The following PGM2L1 variants were observed in gnomAD, a reference collection of about 807,000 sequenced individuals.
PGM2L1 encodes the protein glucose 1,6-bisphosphate synthase.
A neutral mutation model predicts 73.4 loss-of-function variants in PGM2L1; 35 were observed. The observed-to-expected ratio is 0.48, with a 90% confidence interval of 0.36 to 0.63. The LOEUF (loss-of-function observed/expected upper bound fraction) is 0.63. PGM2L1 is among the 30% of genes least tolerant of loss of function. The pLI is 0.00. For missense variants in PGM2L1, 570 were observed against 742.0 expected (o/e 0.77, Z 2.69); for synonymous variants, 225 against 253.8 (o/e 0.89, Z 1.08).
chr11:74,376,405 C>T (rs187655305), intron 1 of PGM2L1, among the ~76,000 whole-genome samples: 2 of 151,718 alleles, frequency 1.3e-5, no homozygotes, highest in Admixed American at 1.3e-4. Context: ...AATTTAACTC[C>T]AGTTACAAAG....
chr11:74,354,325 TAAATGTTAAA>T (rs1187790235), intron 5 of PGM2L1: 2 of 528,074 alleles, frequency 3.8e-6, no homozygotes, highest in African/African-American at 3.8e-5. Flanking sequence ...TGTCCAGGAA[TAAATGTTAAA>T]AAATGTGTGA....
chr11:74,347,113 T>A, intron 7 of PGM2L1, 35 bp downstream of exon 7: 1 of 1,411,274 alleles, frequency 7.1e-7, no homozygotes, highest in Non-Finnish European at 9.4e-7. Flanking sequence ...GATGGTTTAA[T>A]AAACTAATAA....
Position 74,347,146 on chromosome 11 carries a change from A to G in PGM2L1, c.939+2T>C. 1.3e-6 allele frequency: 2 copies of G among 1,555,186 alleles called. No individual in the cohort carries two copies. The highest frequency in any genetic ancestry group is 1.3e-5 in the South Asian group (1 of 78,726). On this transcript the variant is annotated splice_donor_variant, in intron 7 of 13. Coordinates refer to ENST00000298198, the MANE Select transcript of PGM2L1 (RefSeq NM_173582.6). LOFTEE classifies it high-confidence loss of function. ...TAATAATTTAAATATTTAAAAAAAT[A>G]CCAGCACAGATTCTCCTTCTTCAGG...
intron 5 of PGM2L1, among the ~76,000 whole-genome samples, chr11:74,363,103 T>A (rs1862592691): frequency 2.6e-5 from 4 of 152,128 alleles, no homozygotes; most frequent in Admixed American, 1.3e-4. Flanking sequence ...ACCACTCAAC[T>A]ACATGGAAAC....
intron 1 of PGM2L1, among the ~76,000 whole-genome samples, chr11:74,385,642 T>C (rs1048337928): frequency 6.6e-6 from 1 of 152,026 alleles, no homozygotes; most frequent in Non-Finnish European, 1.5e-5. Context: ...GATTCCATAG[T>C]TTTATGCTTA....
intron 1 of PGM2L1, among the ~76,000 whole-genome samples, chr11:74,391,180 C>T (rs1464362665): frequency 1.3e-5 from 2 of 150,694 alleles, no homozygotes; most frequent in African/African-American, 4.9e-5. Flanking sequence ...TTCCTACTTT[C>T]TTCCTGTTTT....
chr11:74,368,427 C>A, intron 5 of PGM2L1, 65 bp downstream of exon 5: 1 of 1,380,024 alleles, frequency 7.2e-7, no homozygotes. Flanking sequence ...ACATACTCAA[C>A]ACATATTATT....
chr11:74,397,840 C>A (rs1487386758), intron 1 of PGM2L1: 4 of 658,974 alleles, frequency 6.1e-6, no homozygotes, highest in Non-Finnish European at 8.9e-6. Flanking sequence ...GAGAGCACTG[C>A]AGAAGGAAGC....
intron 1 of PGM2L1, among the ~76,000 whole-genome samples, chr11:74,389,560 C>T (rs1863061690): frequency 1.3e-5 from 2 of 151,684 alleles, no homozygotes; most frequent in Non-Finnish European, 2.9e-5. Flanking sequence ...AGTGATTCTC[C>T]TGCCTGTCTC....
rs375546548 is a variant in PGM2L1, at chr11:74,345,566, G to T, written c.1121C>A (p.Ser374Ter). 6.2e-7 allele frequency: 1 copy of T among 1,613,366 alleles called. No homozygotes were observed. Among genetic ancestry groups the T allele is most frequent in the Non-Finnish European group, 8.5e-7 (1 of 1,179,568 alleles). ...WMFDCWKKNK[S>*]RNADVKNVYM... Reference sequence around the variant, plus strand: ...AACGTTCTTCACATCAGCATTTCTTGATTTATTTTTCTTCCAGCAATCAAA... The same window carrying T: ...AACGTTCTTCACATCAGCATTTCTTTATTTATTTTTCTTCCAGCAATCAAA... The change falls in exon 9 of 14, where the codon TCA (serine) becomes TAA (stop). Residue 374 changes from serine (S) to a stop codon, truncating the protein, a stop_gained. Coordinates refer to ENST00000298198, the MANE Select transcript of PGM2L1 (RefSeq NM_173582.6). LOFTEE classifies it high-confidence loss of function.
At position 74,334,015 on chromosome 11, in the gene PGM2L1, C is replaced by T. The variant is rs941376072; in HGVS notation, c.*2637G>A. On this transcript the variant is annotated 3_prime_UTR_variant, in exon 14 of 14. Transcript: ENST00000298198. ...GAATTTATCCTGTTAGGCAAATGTG[C>T]ACCTACTACATCAAGTTCATGTTAA... 5 of 152,204 alleles carry T rather than the reference C, an allele frequency of 3.3e-5. No individual in the cohort carries two copies. The highest frequency in any genetic ancestry group is 7.3e-5 in the Non-Finnish European group (5 of 68,032). 9.4% of individuals were successfully genotyped at this position (152,204 alleles called of 1,614,324 possible). A position where few individuals can be genotyped will look rare whatever the true frequency, so the allele number is the denominator to read the frequency against.
chr11:74,370,862 A>G (rs1436421147), intron 4 of PGM2L1, 40 bp downstream of exon 4: 2 of 1,502,610 alleles, frequency 1.3e-6, no homozygotes, highest in South Asian at 2.3e-5. Context: ...AATGTTTTCA[A>G]GAGCAGCAAG....
chr11:74,357,385 A>G (rs995196897), intron 5 of PGM2L1, among the ~76,000 whole-genome samples: 1 of 152,238 alleles, frequency 6.6e-6, no homozygotes, highest in African/African-American at 2.4e-5. Flanking sequence ...CAGACACTTC[A>G]CCGAAAGAAT....
chr11:74,356,052 T>C (rs1239574530), intron 5 of PGM2L1, among the ~76,000 whole-genome samples: 5 of 151,948 alleles, frequency 3.3e-5, no homozygotes, highest in Non-Finnish European at 7.4e-5. Context: ...TGAATAAATG[T>C]CTTTTTTTTT....
At chr11:74,356,338 AT>A (rs1862454816) in intron 5 of PGM2L1, among the ~76,000 whole-genome samples, 1 of 152,224 alleles carries the variant, frequency 6.6e-6, no homozygotes, top group African/African-American at 2.4e-5. Flanking sequence ...TATGCAATGT[AT>A]CTAAATTGAA....
chr11:74,359,493 C>T (rs1565439555), intron 5 of PGM2L1, among the ~76,000 whole-genome samples: 1 of 151,788 alleles, frequency 6.6e-6, no homozygotes, highest in Non-Finnish European at 1.5e-5. Context: ...TTAAAATACA[C>T]ATATTGACTA....
rs1861997114 is a variant in PGM2L1, at chr11:74,330,627, CAG to C, written c.*6023_*6024del. Reference sequence around the variant, plus strand: ...AACAAGGCCTCACCATACATAGAAGCAGAGTCTTGCTTGAGTGGCTCTTGTAA... The same window carrying C: ...AACAAGGCCTCACCATACATAGAAGCAGTCTTGCTTGAGTGGCTCTTGTAA... On this transcript the variant is annotated 3_prime_UTR_variant, in exon 14 of 14. Transcript: ENST00000298198. 6.6e-6 allele frequency: 1 copy of C among 152,612 alleles called. No individual in the cohort carries two copies. Among genetic ancestry groups the C allele is most frequent in the South Asian group, 2.1e-4 (1 of 4,822 alleles). The allele number at this position is 152,612 out of a possible 1,614,324, so 9.5% of individuals were successfully genotyped here. A position where few individuals can be genotyped will look rare whatever the true frequency, so the allele number is the denominator to read the frequency against.
intron 1 of PGM2L1, among the ~76,000 whole-genome samples, chr11:74,384,758 A>G (rs1256207386): frequency 6.6e-6 from 1 of 152,114 alleles, no homozygotes; most frequent in African/African-American, 2.4e-5. Context: ...AAGCCATCCA[A>G]ATGACTCAAA....
intron 5 of PGM2L1, among the ~76,000 whole-genome samples, chr11:74,367,696 T>C (rs1862682238): frequency 6.6e-6 from 1 of 152,188 alleles, no homozygotes; most frequent in Non-Finnish European, 1.5e-5. Context: ...TCCACATTTC[T>C]CCCCTGAGCT....
Sources: allele counts gnomAD v4.1 joint callset (sites outside exome capture counted in the v4.1 genomes callset), GRCh38; gene constraint gnomAD v4.1.1; transcripts MANE v1.5; gene names NCBI Gene and HGNC (gene_info 2026-07-23, HGNC 2026-07-21).